Variants in DDR2 observed in about 807,000 individuals in gnomAD.
The protein encoded by DDR2 is discoidin domain receptor tyrosine kinase 2.
A neutral mutation model predicts 94.9 loss-of-function variants in DDR2; 27 were observed. The observed-to-expected ratio is 0.28, with a 90% confidence interval of 0.21 to 0.39. The LOEUF (loss-of-function observed/expected upper bound fraction) is 0.39, where lower values mean the gene tolerates loss of function less well. Among genes scored for constraint, DDR2 ranks in the 10% least tolerant of loss-of-function variants. The pLI, the probability that DDR2 is intolerant of heterozygous loss-of-function variation, is 1.00. For synonymous variants in DDR2, 382 were observed against 377.2 expected, an observed-to-expected ratio of 1.01 and a Z score of -0.15; for missense variants, 783 against 1,076.0, an observed-to-expected ratio of 0.73 and a Z score of 3.81.
chr1:162,650,466 C>T (rs944224562), intron 1 of DDR2, among the ~76,000 whole-genome samples: 4 of 151,872 alleles, frequency 2.6e-5, no homozygotes, highest in Non-Finnish European at 4.4e-5. Context: ...TAGGGTGGTG[C>T]GCACCTGTAA....
At chr1:162,720,895 C>T (rs955194228) in intron 3 of DDR2, among the ~76,000 whole-genome samples, 10 of 152,244 alleles carry the variant, frequency 6.6e-5, no homozygotes, top group African/African-American at 1.9e-4. Flanking sequence ...GTTCCATGTG[C>T]ATGGGTTTTT....
chr1:162,705,789 G>A (rs1345943484), intron 2 of DDR2, among the ~76,000 whole-genome samples: 2 of 152,222 alleles, frequency 1.3e-5, no homozygotes, highest in Non-Finnish European at 2.9e-5. Context: ...TTCTGCTTCT[G>A]TTCTCTTCAC....
At chr1:162,688,479 A>T (rs1038475776) in intron 2 of DDR2, among the ~76,000 whole-genome samples, 1 of 152,240 alleles carries the variant, frequency 6.6e-6, no homozygotes, top group Non-Finnish European at 1.5e-5. Context: ...GCCCAGGTAA[A>T]TAAGTGGTTC....
Position 162,656,857 on chromosome 1 carries a change from TTG to T in DDR2, c.-28+1485_-28+1486del, listed in dbSNP as rs1553239460. On this transcript the variant is annotated intron_variant, in intron 2 of 17. Transcript: ENST00000367921. Reference sequence around the variant, plus strand: ...AGTTTTTTTTTTTTTTTTATTTTTTTTGTTAACAGGGTTTTGCTCTGTCACCC... The same window carrying T: ...AGTTTTTTTTTTTTTTTTATTTTTTTTTAACAGGGTTTTGCTCTGTCACCC... 1.7e-3 allele frequency among the ~76,000 whole-genome samples: 239 copies of T among 136,966 alleles called. 30 individuals carry two copies. Among genetic ancestry groups the T allele is most frequent in the African/African-American group, 4.9e-3 (189 of 38,406 alleles). 89.9% of individuals were successfully genotyped at this position (136,966 alleles called of 152,430 possible).
intron 14 of DDR2, among the ~76,000 whole-genome samples, chr1:162,774,961 C>G (rs894767415): frequency 6.6e-6 from 1 of 152,116 alleles, no homozygotes; most frequent in African/African-American, 2.4e-5. Flanking sequence ...GGAATGTGGG[C>G]TAGAGGCCTC....
chr1:162,755,909 A>G, intron 7 of DDR2, 140 bp downstream of exon 7: 1 of 784,774 alleles, frequency 1.3e-6, no homozygotes. Context: ...AATAATTTAG[A>G]TGAAGGAATA....
intron 2 of DDR2, among the ~76,000 whole-genome samples, chr1:162,697,509 C>T (rs1191710153): frequency 6.6e-6 from 1 of 152,150 alleles, no homozygotes; most frequent in East Asian, 1.9e-4. Context: ...CTTATTAGAG[C>T]AAAGGGGATG....
intron 1 of DDR2, among the ~76,000 whole-genome samples, chr1:162,635,313 A>AC (rs34650390): frequency 0.52 from 78,477 of 151,754 alleles, 22,216 homozygotes; most frequent in Middle Eastern, 0.66. Flanking sequence ...TGGAGCGGCC[A>AC]CCCCCCATAC....
In DDR2 at chr1:162,698,425, G is replaced by A. The variant is rs544319038; in HGVS notation, c.-27-20612G>A. Among the ~76,000 whole-genome samples the A allele has an allele frequency of 2.8e-4, 42 of 152,290 alleles. No homozygotes were observed. In the South Asian group the frequency reaches 8.7e-3, roughly 32 times the overall value. On this transcript the variant is annotated intron_variant, in intron 2 of 17. Coordinates refer to ENST00000367921, the MANE Select transcript of DDR2 (RefSeq NM_006182.4). ...GGAGGCATGATCTGTGTTCATTCCA[G>A]GTGTCTTATCTCGCTGCCACTTCCA...
chr1:162,727,016 AAATAT>A (rs939125940), intron 3 of DDR2, among the ~76,000 whole-genome samples: 5 of 148,252 alleles, frequency 3.4e-5, no homozygotes, highest in African/African-American at 9.8e-5. Context: ...GATATGAAAC[AAATAT>A]AATATATATG....
intron 3 of DDR2, among the ~76,000 whole-genome samples, chr1:162,752,864 A>G (rs756330017): frequency 2.0e-5 from 3 of 152,150 alleles, no homozygotes; most frequent in African/African-American, 4.8e-5. Flanking sequence ...TTGAACCAAA[A>G]TATAGATTTG....
intron 3 of DDR2, among the ~76,000 whole-genome samples, chr1:162,719,676 T>A (rs570053670): frequency 1.1e-3 from 162 of 152,326 alleles, no homozygotes; most frequent in African/African-American, 3.6e-3. Context: ...TTATTTTGTA[T>A]TACATGCATT....
At chr1:162,663,459 T>C (rs190392408) in intron 2 of DDR2, among the ~76,000 whole-genome samples, 3 of 152,280 alleles carry the variant, frequency 2.0e-5, no homozygotes, top group East Asian at 3.9e-4. Flanking sequence ...TTGCAAAATA[T>C]TGGATTTTCT....
At chr1:162,767,822 G>GTGTGTA in intron 11 of DDR2, among the ~76,000 whole-genome samples, 1 of 152,118 alleles carries the variant, frequency 6.6e-6, no homozygotes, top group East Asian at 1.9e-4. Flanking sequence ...GTGTGTGTGT[G>GTGTGTA]TGTGTGTGTG....
At chr1:162,728,999 TG>T (rs1354904634) in intron 3 of DDR2, among the ~76,000 whole-genome samples, 1 of 151,972 alleles carries the variant, frequency 6.6e-6, no homozygotes, top group Non-Finnish European at 1.5e-5. Context: ...TGGAAATAAA[TG>T]GGCTTTGGAA....
chr1:162,751,642 A>T (rs1213656875), intron 3 of DDR2, among the ~76,000 whole-genome samples: 1 of 152,380 alleles, frequency 6.6e-6, no homozygotes, highest in East Asian at 1.9e-4. Context: ...CAATCCCATT[A>T]CTGGGTATAC....
intron 16 of DDR2, among the ~76,000 whole-genome samples, chr1:162,776,855 A>G (rs1327430399): frequency 1.3e-5 from 2 of 152,232 alleles, no homozygotes; most frequent in Admixed American, 6.5e-5. Flanking sequence ...ATTCCATACC[A>G]TAAGTGAGTA....
chr1:162,722,966 A>C (rs749369399), intron 3 of DDR2, among the ~76,000 whole-genome samples: 1 of 152,220 alleles, frequency 6.6e-6, no homozygotes, highest in Non-Finnish European at 1.5e-5. Flanking sequence ...TCCCAGGCTC[A>C]GGGATGTGAA....
chr1:162,699,007 C>G (rs561001025), intron 2 of DDR2, among the ~76,000 whole-genome samples: 294 of 152,256 alleles, frequency 1.9e-3, no homozygotes, highest in African/African-American at 6.6e-3. Context: ...TTGGGATTGT[C>G]TATACTATAA....
Sources: allele counts gnomAD v4.1 joint callset (sites outside exome capture counted in the v4.1 genomes callset), GRCh38; gene constraint gnomAD v4.1.1; transcripts MANE v1.5; gene names NCBI Gene and HGNC (gene_info 2026-07-23, HGNC 2026-07-21).